The following NFE2L3 variants were observed in gnomAD, a reference collection of about 807,000 sequenced individuals.
The protein encoded by NFE2L3 is NFE2 like bZIP transcription factor 3, also known as nuclear factor erythroid 2-related factor 3.
A neutral mutation model predicts 23.5 loss-of-function variants in NFE2L3; 18 were observed. That is an observed-to-expected ratio of 0.77 (90% CI 0.53 to 1.13). NFE2L3 has a LOEUF of 1.13. Ranked by LOEUF, NFE2L3 falls within the 50% of genes most tolerant of loss-of-function variation. NFE2L3 has a pLI of 0.00. For missense variants in NFE2L3, 1,152 were observed against 877.2 expected, an observed-to-expected ratio of 1.31 and a Z score of -3.96; for synonymous variants, 424 against 354.5, an observed-to-expected ratio of 1.20 and a Z score of -2.20.
In NFE2L3 at chr7:26,185,439, G is replaced by A. The variant is rs1411223292; in HGVS notation, c.1741G>A (p.Asp581Asn). 1 of 1,614,098 alleles carries A rather than the reference G, an allele frequency of 6.2e-7. No homozygotes were observed. The highest frequency in any genetic ancestry group is 1.7e-5 in the Admixed American group (1 of 60,024). The change falls in exon 4 of 4, where the codon GAC (aspartate) becomes AAC (asparagine). Residue 581 changes from aspartate (D) to asparagine (N), a missense_variant. By Grantham distance (23) the Asp-to-Asn change is conservative. Transcript: ENST00000056233. ...LTDLQVSLIR[D>N]IRRRGKNKVA... The stretch of plus-strand genomic sequence containing the variant: ...AGACCTACAAGTCTCACTTATCCGT[G>A]ACATCAGACGAAGAGGGAAAAATAA...
intron 1 of NFE2L3, among the ~76,000 whole-genome samples, chr7:26,165,966 T>G (rs1355425126): frequency 1.3e-5 from 2 of 152,160 alleles, no homozygotes; most frequent in East Asian, 1.9e-4. Context: ...ATAGTTGGTT[T>G]GTTTGAATCA....
intron 1 of NFE2L3, among the ~76,000 whole-genome samples, chr7:26,159,534 GTGTC>G (rs1490651401): frequency 2.0e-5 from 3 of 152,200 alleles, no homozygotes; most frequent in Non-Finnish European, 4.4e-5. Flanking sequence ...AGTTCAGCCA[GTGTC>G]TGTCTGTTGA....
intron 1 of NFE2L3, among the ~76,000 whole-genome samples, chr7:26,171,649 T>C (rs1784329553): frequency 6.6e-6 from 1 of 152,240 alleles, no homozygotes; most frequent in Non-Finnish European, 1.5e-5. Flanking sequence ...TGTCTCCTTT[T>C]TTCACATAGC....
At chr7:26,175,648 G>A (rs1436426263) in intron 1 of NFE2L3, among the ~76,000 whole-genome samples, 6 of 148,686 alleles carry the variant, frequency 4.0e-5, no homozygotes, top group South Asian at 2.1e-4. Context: ...GTGTGGTGCC[G>A]GGCACCTGTA....
At chr7:26,171,248 A>G (rs950867423) in intron 1 of NFE2L3, among the ~76,000 whole-genome samples, 1 of 152,238 alleles carries the variant, frequency 6.6e-6, no homozygotes, top group African/African-American at 2.4e-5. Flanking sequence ...ACTATGCACC[A>G]TTAAGAAGCC....
intron 3 of NFE2L3, chr7:26,184,135 T>G: frequency 2.9e-6 from 1 of 343,184 alleles, no homozygotes; most frequent in South Asian, 4.2e-5. Context: ...GTTTTAGCGC[T>G]TAGAGGCATT....
chr7:26,171,363 G>A (rs1784325418), intron 1 of NFE2L3, among the ~76,000 whole-genome samples: 1 of 152,048 alleles, frequency 6.6e-6, no homozygotes, highest in Non-Finnish European at 1.5e-5. Flanking sequence ...GTTCAACATG[G>A]TGAAACCTCG....
At chr7:26,168,426 G>GTGCCCAGACATTCTTGTCATTCT in intron 1 of NFE2L3, among the ~76,000 whole-genome samples, 37 of 99,750 alleles carry the variant, frequency 3.7e-4, no homozygotes, top group East Asian at 1.2e-3. Flanking sequence ...GTGAGCCACT[G>GTGCCCAGACATTCTTGTCATTCT]TAGTCTCCAT....
At chr7:26,153,585 G>A (rs1427435766) in intron 1 of NFE2L3, among the ~76,000 whole-genome samples, 1 of 152,180 alleles carries the variant, frequency 6.6e-6, no homozygotes, top group East Asian at 1.9e-4. Context: ...CATGGTCAGG[G>A]TCTATTCAGA....
In NFE2L3 at chr7:26,185,429, A is replaced by G. The variant is rs761700750; in HGVS notation, c.1731A>G (p.Ser577=). Residue 577 remains serine, a synonymous_variant, in exon 4 of 4, where the codon TCA becomes TCG. Coordinates refer to ENST00000056233, the MANE Select transcript of NFE2L3 (RefSeq NM_004289.7). ...SRYYLTDLQV[S]LIRDIRRRGK... ...ATTATCTGACAGACCTACAAGTCTCACTTATCCGTGACATCAGACGAAGAG... is the reference window on the plus strand; with the variant it reads ...ATTATCTGACAGACCTACAAGTCTCGCTTATCCGTGACATCAGACGAAGAG... 50 of 1,613,958 alleles carry G rather than the reference A, an allele frequency of 3.1e-5. No individual in the cohort carries two copies. The highest frequency in any genetic ancestry group is 3.3e-4 in the Middle Eastern group (2 of 6,084).
At chr7:26,178,601 G>T (rs1448652784) in intron 2 of NFE2L3, among the ~76,000 whole-genome samples, 1 of 152,142 alleles carries the variant, frequency 6.6e-6, no homozygotes, top group Non-Finnish European at 1.5e-5. Flanking sequence ...GGCATCCATG[G>T]TCCAGTGGGA....
At chr7:26,183,972 A>G (rs1782402704) in intron 3 of NFE2L3, 188 bp downstream of exon 3, 1 of 539,670 alleles carries the variant, frequency 1.9e-6, no homozygotes, top group Non-Finnish European at 3.3e-6. Context: ...CAAAGGTATA[A>G]TCAAATTTAG....
intron 1 of NFE2L3, among the ~76,000 whole-genome samples, chr7:26,165,229 T>C: frequency 6.6e-6 from 1 of 152,226 alleles, no homozygotes; most frequent in Non-Finnish European, 1.5e-5. Context: ...AATCTATACA[T>C]TACCTTGGGC....
rs762400207 is a variant in NFE2L3 at position 26,185,586 on chromosome 7, G to C, written c.1888G>C (p.Ala630Pro). 1.2e-6 allele frequency: 2 copies of C among 1,613,760 alleles called. No individual in the cohort carries two copies. The highest frequency in any genetic ancestry group is 1.7e-5 in the Admixed American group (1 of 59,992). ...GAGAGAGCAAGCACAATGTAACAAA[G>C]CTATTAACATAATGAAACAGAAACT... ...LKREQAQCNK[A>P]INIMKQKLHD... Residue 630 changes from alanine (A) to proline (P), a missense_variant, in exon 4 of 4, where the codon GCT becomes CCT. Transcript: ENST00000056233.
rs1397632432 is a variant in NFE2L3 at position 26,184,625 on chromosome 7, A to G, written c.927A>G (p.Ile309Met). 1.9e-6 allele frequency: 3 copies of G among 1,613,874 alleles called. No homozygotes were observed. Among genetic ancestry groups the G allele is most frequent in the East Asian group, 2.2e-5 (1 of 44,860 alleles). The part of the protein sequence containing the change: ...AHYHVNFSQA[I>M]SQDVNLHEAI... ...ATCATGTAAACTTCAGCCAGGCTAT[A>G]AGTCAGGATGTGAATCTTCATGAGG... The change falls in exon 4 of 4, where the codon ATA becomes ATG. Residue 309 changes from isoleucine to methionine, a missense_variant. Physicochemically the swap from Ile to Met is conservative, Grantham distance 10. Transcript: ENST00000056233.
rs747839586 is a variant in NFE2L3 at position 26,185,471 on chromosome 7, T to C, written c.1773T>C (p.Ala591=). 4 of 1,613,936 alleles carry C rather than the reference T, an allele frequency of 2.5e-6. No individual in the cohort carries two copies. Among genetic ancestry groups the C allele is most frequent in the Admixed American group, 3.3e-5 (2 of 60,004 alleles). ...GACGAAGAGGGAAAAATAAAGTTGCTGCGCAGAACTGTCGTAAACGCAAAT... is the reference window on the plus strand; with the variant it reads ...GACGAAGAGGGAAAAATAAAGTTGCCGCGCAGAACTGTCGTAAACGCAAAT... ...DIRRRGKNKV[A]AQNCRKRKLD... is the part of the protein sequence containing the mutation. The change falls in exon 4 of 4, where the codon GCT becomes GCC. Residue 591 remains alanine, a synonymous_variant. Transcript: ENST00000056233.
rs780320807 is a variant in NFE2L3 at position 26,185,808 on chromosome 7, T to G, written c.*25T>G. On this transcript the variant is annotated 3_prime_UTR_variant, in exon 4 of 4. Transcript: ENST00000056233. ...AGAAGAAACTGAAGATGGACTCTATTATGTGAAGTAGTAATGTTCAGAAAC... is the reference window on the plus strand; with the variant it reads ...AGAAGAAACTGAAGATGGACTCTATGATGTGAAGTAGTAATGTTCAGAAAC... 4 of 1,546,898 alleles carry G rather than the reference T, an allele frequency of 2.6e-6. No homozygotes were observed. The highest frequency in any genetic ancestry group is 3.5e-6 in the Non-Finnish European group (4 of 1,150,114).
Position 26,185,704 on chromosome 7 carries a change from A to T in NFE2L3, c.2006A>T (p.Asp669Val). The change falls in exon 4 of 4, where the codon GAT becomes GTT. Residue 669 changes from aspartate (D) to valine (V), a missense_variant. Physicochemically the swap from Asp to Val is radical, Grantham distance 152. Transcript: ENST00000056233. ...CACTATGCTCTCCAGTGTACCCATG[A>T]TGGAAGTATCTTGATAGTACCCAAA... is the stretch of plus-strand genomic sequence containing the variant. ...PNHYALQCTH[D>V]GSILIVPKEL... The T allele has an allele frequency of 1.2e-6, 2 of 1,613,812 alleles. No individual in the cohort carries two copies. The highest frequency in any genetic ancestry group is 1.7e-6 in the Non-Finnish European group (2 of 1,179,780).
At chr7:26,181,968 TAGAAG>T (rs1226775462) in intron 2 of NFE2L3, among the ~76,000 whole-genome samples, 3 of 151,846 alleles carry the variant, frequency 2.0e-5, no homozygotes, top group Admixed American at 2.0e-4. Context: ...GAGACAATGA[TAGAAG>T]AGAAAAATCT....
Sources: allele counts gnomAD v4.1 joint callset (sites outside exome capture counted in the v4.1 genomes callset), GRCh38; gene constraint gnomAD v4.1.1; transcripts MANE v1.5; gene names NCBI Gene and HGNC (gene_info 2026-07-23, HGNC 2026-07-21).